The following ZMAT1 variants were observed in gnomAD, a reference collection of about 807,000 sequenced individuals.
ZMAT1 encodes zinc finger matrin-type 1.
In ZMAT1, 11 loss-of-function variants were observed where a neutral mutation model predicts 18.5. That is an observed-to-expected ratio of 0.59 (90% CI 0.37 to 0.98). The LOEUF (loss-of-function observed/expected upper bound fraction) is 0.98, where lower values mean the gene tolerates loss of function less well. ZMAT1 is among the 50% of genes least tolerant of loss of function. The probability of loss-of-function intolerance (pLI) is 0.01; values close to 1 mark genes in which losing one functional copy is unlikely to be tolerated. For synonymous variants in ZMAT1, 211 were observed against 176.4 expected, an observed-to-expected ratio of 1.20 and a Z score of -1.55; for missense variants, 525 against 496.2, an observed-to-expected ratio of 1.06 and a Z score of -0.55.
At chrX:101,904,674 G>A (rs929100175) in intron 1 of ZMAT1, among the ~76,000 whole-genome samples, 2 of 111,280 alleles carry the variant, frequency 1.8e-5, no homozygotes, top group Admixed American at 1.9e-4. Flanking sequence ...CAGGTGCGGT[G>A]GCTCATGCCT....
Position 101,883,553 on chromosome X carries a change from G to T in ZMAT1, c.2045C>A (p.Thr682Lys). ...KEKKKSVEERTEEEMLWDESI... is the reference protein window; with the variant it reads ...KEKKKSVEERKEEEMLWDESI... ...CTCATCCCAAAGCATTTCCTCTTCTGTCCTTTCTTCAACAGATTTCTTTTT... is the reference window on the plus strand; with the variant it reads ...CTCATCCCAAAGCATTTCCTCTTCTTTCCTTTCTTCAACAGATTTCTTTTT... The change falls in exon 6 of 6, where the codon ACA becomes AAA. Residue 682 changes from threonine (T) to lysine (K), a missense_variant. Transcript: ENST00000651725. The T allele has an allele frequency of 8.4e-7, 1 of 1,195,479 alleles. No individual in the cohort carries two copies. The highest frequency in any genetic ancestry group is 1.1e-6 in the Non-Finnish European group (1 of 890,390).
Position 101,884,328 on chromosome X carries a change from G to C in ZMAT1, c.1270C>G (p.Pro424Ala). 1 of 1,210,636 alleles carries C rather than the reference G, an allele frequency of 8.3e-7. No homozygotes were observed. The highest frequency in any genetic ancestry group is 1.7e-5 in the African/African-American group (1 of 57,549). The change falls in exon 6 of 6, where the codon CCA becomes GCA. Residue 424 changes from proline (P) to alanine (A), a missense_variant. Transcript: ENST00000651725. ...SHEASQTYQR[P>A]YHISPVESQL... The stretch of plus-strand genomic sequence containing the variant: ...CTTTCCACTGGTGAAATATGGTATG[G>C]TCGTTGGTAGGTCTGGGAAGCCTCA...
chrX:101,904,298 G>A lies in ZMAT1; in HGVS notation c.325C>T (p.Leu109Phe), dbSNP rs367645895. The A allele has an allele frequency of 4.1e-6, 5 of 1,205,130 alleles. No individual in the cohort carries two copies. In the African/African-American group the frequency reaches 8.8e-5, roughly 21 times the overall value. The change falls in exon 2 of 6, where the codon CTT becomes TTT. Residue 109 changes from leucine (L) to phenylalanine (F), a missense_variant. By Grantham distance (22) the Leu-to-Phe change is conservative. Coordinates refer to ENST00000651725, the MANE Select transcript of ZMAT1 (RefSeq NM_001394560.1). ...ACTTGACAAAACTTATCTGTAAAAAGTTCAGCCTTTTCCTGTTCATTCCAA... is the reference window on the plus strand; with the variant it reads ...ACTTGACAAAACTTATCTGTAAAAAATTCAGCCTTTTCCTGTTCATTCCAA... ...AIWNEQEKAE[L>F]FTDKFCQVCG...
intron 1 of ZMAT1, among the ~76,000 whole-genome samples, chrX:101,908,641 T>A (rs1928760313): frequency 9.0e-6 from 1 of 111,498 alleles, no homozygotes; most frequent in African/African-American, 3.3e-5. Context: ...CTCGGTGCTA[T>A]CCTGTTAGAG....
chrX:101,929,163 G>A (rs936014243), intron 1 of ZMAT1, among the ~76,000 whole-genome samples: 2 of 109,797 alleles, frequency 1.8e-5, no homozygotes, highest in African/African-American at 6.6e-5. Context: ...AAATCCTCAA[G>A]AATAACAGCT....
intron 4 of ZMAT1, 109 bp from the exon 5 acceptor site, chrX:101,886,840 T>A: frequency 1.8e-6 from 1 of 554,441 alleles, no homozygotes; most frequent in Non-Finnish European, 2.9e-6. Flanking sequence ...CTTGACATTT[T>A]CCAATAAAGA....
chrX:101,903,540 T>C (rs1482858378), intron 2 of ZMAT1, among the ~76,000 whole-genome samples: 1 of 111,809 alleles, frequency 8.9e-6, no homozygotes, highest in Non-Finnish European at 1.9e-5. Context: ...CTAGTATTTT[T>C]GGTAACCTAG....
At position 101,931,764 on chromosome X, in the gene ZMAT1, C is replaced by A. The variant is rs948042979; in HGVS notation, c.245G>T (p.Arg82Met). 4.7e-5 allele frequency: 36 copies of A among 771,772 alleles called. No homozygotes were observed. The highest frequency in any genetic ancestry group is 1.7e-4 in the South Asian group (3 of 17,372). 63.6% of individuals were successfully genotyped at this position (771,772 alleles called of 1,213,427 possible). A position where few individuals can be genotyped will look rare whatever the true frequency, so the allele number is the denominator to read the frequency against. Residue 82 changes from arginine (R) to methionine (M), a missense_variant, in exon 1 of 6, where the codon AGG becomes ATG. Physicochemically the swap from Arg to Met is moderately conservative, Grantham distance 91 (BLOSUM62 -1). Coordinates refer to ENST00000651725, the MANE Select transcript of ZMAT1 (RefSeq NM_001394560.1). Reference sequence around the variant, plus strand: ...GTCTACTTTAAAACTACTGCCCCCCCTCCCCGCCGCCGCCATAGTGGAGCC... The same window carrying A: ...GTCTACTTTAAAACTACTGCCCCCCATCCCCGCCGCCGCCATAGTGGAGCC... ...FGGSTMAAAG[R>M]GGSSFKVDTR...
chrX:101,895,325 C>T (rs188807045), intron 4 of ZMAT1, among the ~76,000 whole-genome samples: 35 of 110,796 alleles, frequency 3.2e-4, no homozygotes, highest in African/African-American at 1.1e-3. Flanking sequence ...CCTAAGGATC[C>T]TTATTTACCT....
At chrX:101,931,271 CTCTTT>C (rs1365441751) in intron 1 of ZMAT1, among the ~76,000 whole-genome samples, 1 of 111,905 alleles carries the variant, frequency 8.9e-6, no homozygotes, top group Non-Finnish European at 1.9e-5. Flanking sequence ...TCGGTATTTC[CTCTTT>C]TATCTCCGCC....
intron 1 of ZMAT1, among the ~76,000 whole-genome samples, chrX:101,918,153 A>G (rs867880641): frequency 9.0e-6 from 1 of 111,484 alleles, no homozygotes; most frequent in South Asian, 3.8e-4. Flanking sequence ...TAATAACCAT[A>G]TATTTTTAAA....
rs1439008171 is a variant in ZMAT1 at position 101,931,793 on chromosome X, A to G, written c.216T>C (p.Phe72=). The G allele has an allele frequency of 3.8e-6, 3 of 780,968 alleles. No homozygotes were observed. The highest frequency in any genetic ancestry group is 2.3e-5 in the African/African-American group (1 of 43,408). 64.4% of individuals were successfully genotyped at this position (780,968 alleles called of 1,213,427 possible). A position where few individuals can be genotyped will look rare whatever the true frequency, so the allele number is the denominator to read the frequency against. The part of the protein sequence containing the change: ...GGCGDGGGGG[F]GGSTMAAAGR... ...CCGCCGCCGCCATAGTGGAGCCGCCAAAGCCGCCGCCGCCGCCGTCGCCAC... is the reference window on the plus strand; with the variant it reads ...CCGCCGCCGCCATAGTGGAGCCGCCGAAGCCGCCGCCGCCGCCGTCGCCAC... Residue 72 remains phenylalanine (F), a synonymous_variant, in exon 1 of 6, where the codon TTT becomes TTC. Coordinates refer to ENST00000651725, the MANE Select transcript of ZMAT1 (RefSeq NM_001394560.1).
At chrX:101,930,524 G>C (rs1396478175) in intron 1 of ZMAT1, among the ~76,000 whole-genome samples, 1 of 112,019 alleles carries the variant, frequency 8.9e-6, no homozygotes, top group Non-Finnish European at 1.9e-5. Flanking sequence ...AAAGGTTATG[G>C]AATAGCACAC....
intron 4 of ZMAT1, chrX:101,886,949 A>C: frequency 3.1e-6 from 1 of 320,656 alleles, no homozygotes; most frequent in East Asian, 5.3e-5. Flanking sequence ...GAATGCCCAG[A>C]ATTCTTTACA....
chrX:101,931,790 G>A lies in ZMAT1; in HGVS notation c.219C>T (p.Gly73=). The change falls in exon 1 of 6, where the codon GGC becomes GGT. Residue 73 remains glycine, a synonymous_variant. Transcript: ENST00000651725. The stretch of plus-strand genomic sequence containing the variant: ...TCCCCGCCGCCGCCATAGTGGAGCC[G>A]CCAAAGCCGCCGCCGCCGCCGTCGC... The part of the protein sequence containing the change: ...GCGDGGGGGF[G]GSTMAAAGRG... 3 of 781,807 alleles carry A rather than the reference G, an allele frequency of 3.8e-6. No homozygotes were observed. Among genetic ancestry groups the A allele is most frequent in the Non-Finnish European group, 4.6e-6 (3 of 659,015 alleles). The allele number at this position is 781,807 out of a possible 1,213,427, so 64.4% of individuals were successfully genotyped here. A position where few individuals can be genotyped will look rare whatever the true frequency, so the allele number is the denominator to read the frequency against.
chrX:101,913,864 A>G (rs764743659), intron 1 of ZMAT1, among the ~76,000 whole-genome samples: 1 of 112,040 alleles, frequency 8.9e-6, no homozygotes, highest in South Asian at 3.7e-4. Context: ...TTTACAGAAC[A>G]TGTCATGCAA....
intron 1 of ZMAT1, among the ~76,000 whole-genome samples, chrX:101,928,649 G>A (rs914353426): frequency 8.9e-6 from 1 of 112,532 alleles, no homozygotes; most frequent in African/African-American, 3.2e-5. Flanking sequence ...GAGCCTCCGC[G>A]CCCAGCCTAC....
In ZMAT1 at chrX:101,931,739, G is replaced by C; in HGVS notation, c.270C>G (p.Asp90Glu). The stretch of plus-strand genomic sequence containing the variant: ...CACCTTCTCTGAGGCAAGGGCGGGT[G>C]TCTACTTTAAAACTACTGCCCCCCC... ...AGRGGSSFKVDTRPCLREDAI... is the reference protein window; with the variant it reads ...AGRGGSSFKVETRPCLREDAI... Residue 90 changes from aspartate to glutamate, a missense_variant, in exon 1 of 6, where the codon GAC (aspartate) becomes GAG (glutamate). Asp to Glu is a conservative substitution (Grantham distance 45, BLOSUM62 2). Coordinates refer to ENST00000651725, the MANE Select transcript of ZMAT1 (RefSeq NM_001394560.1). The C allele has an allele frequency of 1.3e-6, 1 of 765,699 alleles. No individual in the cohort carries two copies. Among genetic ancestry groups the C allele is most frequent in the South Asian group, 6.0e-5 (1 of 16,789 alleles). The allele number at this position is 765,699 out of a possible 1,213,427, so 63.1% of individuals were successfully genotyped here. A position where few individuals can be genotyped will look rare whatever the true frequency, so the allele number is the denominator to read the frequency against.
intron 1 of ZMAT1, among the ~76,000 whole-genome samples, chrX:101,928,138 G>C (rs1930169034): frequency 8.9e-6 from 1 of 111,869 alleles, no homozygotes; most frequent in South Asian, 3.7e-4. Context: ...ATGGTCCTGT[G>C]GCTCAGGATT....
Sources: allele counts gnomAD v4.1 joint callset (sites outside exome capture counted in the v4.1 genomes callset), GRCh38; gene constraint gnomAD v4.1.1; transcripts MANE v1.5; gene names NCBI Gene and HGNC (gene_info 2026-07-23, HGNC 2026-07-21).